The following GRID1 variants were observed in gnomAD, a reference collection of about 807,000 sequenced individuals.
GRID1 encodes glutamate ionotropic receptor delta type subunit 1.
Under a neutral mutation model 98.0 loss-of-function variants are expected in GRID1, and 28 were observed. The ratio of observed to expected loss-of-function variants is 0.29; its 90% CI spans 0.21 to 0.39. GRID1 has a LOEUF of 0.39. GRID1 is among the 10% of genes least tolerant of loss of function. The pLI is 1.00. For missense variants in GRID1, 1,111 were observed against 1,340.5 expected (o/e 0.83, Z 2.67); for synonymous variants, 553 against 538.5 (o/e 1.03, Z -0.37).
intron 4 of GRID1, among the ~76,000 whole-genome samples, chr10:85,951,982 C>G (rs748552358): frequency 6.6e-6 from 1 of 152,238 alleles, no homozygotes; most frequent in Non-Finnish European, 1.5e-5. Context: ...GAGCATCTCC[C>G]TTTCTCAATA....
chr10:85,851,594 T>C (rs990217758), intron 8 of GRID1, among the ~76,000 whole-genome samples: 1 of 152,200 alleles, frequency 6.6e-6, no homozygotes, highest in African/African-American at 2.4e-5. Context: ...TAAGAAAATA[T>C]CTTGCTACTT....
chr10:86,350,519 G>A (rs1848448692), intron 2 of GRID1, among the ~76,000 whole-genome samples: 1 of 152,220 alleles, frequency 6.6e-6, no homozygotes, highest in African/African-American at 2.4e-5. Context: ...TTGGCTGCCA[G>A]TCCTTCACAT....
intron 13 of GRID1, among the ~76,000 whole-genome samples, chr10:85,642,939 T>C (rs758701218): frequency 1.3e-5 from 2 of 152,138 alleles, no homozygotes; most frequent in Non-Finnish European, 2.9e-5. Context: ...ATGATGTGTA[T>C]TGGCATGAAG....
At chr10:86,315,739 C>G (rs1038751643) in intron 2 of GRID1, among the ~76,000 whole-genome samples, 10 of 151,992 alleles carry the variant, frequency 6.6e-5, no homozygotes, top group African/African-American at 2.4e-4. Flanking sequence ...CTGCCTCCAA[C>G]CATCCACCCA....
At chr10:85,949,843 G>A (rs976311584) in intron 4 of GRID1, among the ~76,000 whole-genome samples, 1 of 152,152 alleles carries the variant, frequency 6.6e-6, no homozygotes, top group Non-Finnish European at 1.5e-5. Flanking sequence ...TTGTGTGTGT[G>A]TCTATAGGGA....
At chr10:85,662,577 G>A (rs970660201) in intron 12 of GRID1, among the ~76,000 whole-genome samples, 8 of 152,214 alleles carry the variant, frequency 5.3e-5, no homozygotes, top group African/African-American at 1.9e-4. Flanking sequence ...ATGCCAACCG[G>A]AGAGAGGCTC....
chr10:86,172,042 C>A (rs769176022), intron 3 of GRID1, among the ~76,000 whole-genome samples: 1 of 151,248 alleles, frequency 6.6e-6, no homozygotes, highest in African/African-American at 2.4e-5. Context: ...CTTAAGTGTA[C>A]AATTGAATGG....
intron 4 of GRID1, among the ~76,000 whole-genome samples, chr10:86,033,890 T>C (rs75055580): frequency 0.042 from 6,463 of 152,278 alleles, 402 homozygotes; most frequent in African/African-American, 0.14. Context: ...AAAAGAAGGA[T>C]GCCAATCAGA....
chr10:85,993,270 A>G (rs1050822083), intron 4 of GRID1, among the ~76,000 whole-genome samples: 1 of 152,144 alleles, frequency 6.6e-6, no homozygotes, highest in Non-Finnish European at 1.5e-5. Context: ...GTGCAGGGGC[A>G]GCTTTGGCCA....
chr10:86,019,796 A>T (rs1843025951), intron 4 of GRID1, among the ~76,000 whole-genome samples: 1 of 152,218 alleles, frequency 6.6e-6, no homozygotes, highest in Admixed American at 6.5e-5. Flanking sequence ...GCAAAAATCT[A>T]TTTGGCCAAG....
In GRID1 at chr10:86,003,801, A is replaced by G. The variant is rs909045969; in HGVS notation, c.727-87562T>C. Among the ~76,000 whole-genome samples the G allele has an allele frequency of 5.3e-5, 8 of 152,248 alleles. No homozygotes were observed. In the South Asian group the frequency reaches 1.4e-3, roughly 28 times the overall value. The stretch of plus-strand genomic sequence containing the variant: ...ACAGGCAGAGATTTTAAAGTGTAAC[A>G]GTGTCAACCAAATATTTGCCAGGAT... On this transcript the variant is annotated intron_variant, in intron 4 of 15. Transcript: ENST00000327946.
rs1842870348 is a variant in GRID1 at position 85,831,870 on chromosome 10, TTATC to T, written c.1233+22622_1233+22625del. Among the ~76,000 whole-genome samples the T allele has an allele frequency of 4.0e-5, 6 of 151,324 alleles. No individual in the cohort carries two copies. The South Asian group carries it at 1.3e-3, about 32-fold the overall frequency. Reference sequence around the variant, plus strand: ...AAAGAAAAATAAACACAAAAATAAATTATCTAACCACACATAGCAAGAAGCCAGA... The same window carrying T: ...AAAGAAAAATAAACACAAAAATAAATTAACCACACATAGCAAGAAGCCAGA... On this transcript the variant is annotated intron_variant, in intron 8 of 15. Coordinates refer to ENST00000327946, the MANE Select transcript of GRID1 (RefSeq NM_017551.3).
chr10:86,180,769 G>A (rs967225547), intron 3 of GRID1, among the ~76,000 whole-genome samples: 1 of 152,102 alleles, frequency 6.6e-6, no homozygotes, highest in African/African-American at 2.4e-5. Flanking sequence ...CTGCGGCCAG[G>A]CCCGGGAACT....
intron 8 of GRID1, among the ~76,000 whole-genome samples, chr10:85,812,134 C>T (rs1200991830): frequency 6.6e-6 from 1 of 152,022 alleles, no homozygotes; most frequent in African/African-American, 2.4e-5. Flanking sequence ...TAAAGTCTTT[C>T]CCAGATAAGC....
intron 4 of GRID1, among the ~76,000 whole-genome samples, chr10:85,981,169 C>A (rs986791563): frequency 6.6e-6 from 1 of 152,110 alleles, no homozygotes; most frequent in African/African-American, 2.4e-5. Context: ...TGACCCAGGC[C>A]CTGGAAGAAA....
intron 13 of GRID1, among the ~76,000 whole-genome samples, chr10:85,640,743 G>A (rs139897523): frequency 5.9e-5 from 9 of 152,344 alleles, no homozygotes; most frequent in Admixed American, 4.6e-4. Flanking sequence ...CCCTGTTACA[G>A]AGCAGAAAGG....
rs143266832 is a variant in GRID1, at chr10:85,797,470, C to T, written c.1233+57026G>A. On this transcript the variant is annotated intron_variant, in intron 8 of 15. Transcript: ENST00000327946. ...TTGAGACCAAGTTTTGCTCTTATTG[C>T]CCAGGCTGGAGTGCAATGGTGCAAT... Among the ~76,000 whole-genome samples the T allele has an allele frequency of 3.5e-3, 534 of 152,050 alleles. 8 individuals carry two copies. The highest frequency in any genetic ancestry group is 0.012 in the African/African-American group (516 of 41,456).
chr10:85,977,001 C>T (rs920480253), intron 4 of GRID1, among the ~76,000 whole-genome samples: 14 of 152,204 alleles, frequency 9.2e-5, no homozygotes, highest in Non-Finnish European at 2.1e-4. Context: ...TGGGTTCCAG[C>T]ACAGTCTTCT....
At chr10:86,330,012 C>A (rs1457173328) in intron 2 of GRID1, among the ~76,000 whole-genome samples, 1 of 152,168 alleles carries the variant, frequency 6.6e-6, no homozygotes, top group South Asian at 2.1e-4. Flanking sequence ...GCTGAGCTAG[C>A]CAGCAGGACT....
Sources: gnomAD v4.1 joint callset for allele counts (sites outside exome capture counted in the v4.1 genomes callset) on GRCh38, gnomAD v4.1.1 for gene constraint, MANE v1.5 for transcripts, NCBI Gene and HGNC (gene_info 2026-07-23, HGNC 2026-07-21) for gene names.